Variants in A1CF observed in about 807,000 individuals in gnomAD.
The protein encoded by A1CF is APOBEC1 complementation factor.
In A1CF, 48 loss-of-function variants were observed where a neutral mutation model predicts 68.9. The observed-to-expected ratio is 0.70, with a 90% CI of 0.55 to 0.89. A1CF has a LOEUF of 0.89. Among genes scored for constraint, A1CF ranks in the 40% least tolerant of loss-of-function variants. A1CF has a pLI of 0.00. For missense variants in A1CF, 653 were observed against 718.9 expected (o/e 0.91, Z 1.05); for synonymous variants, 272 against 260.4 (o/e 1.04, Z -0.43).
chr10:50,836,878 T>C (rs1285187440), intron 5 of A1CF, among the ~76,000 whole-genome samples: 1 of 152,030 alleles, frequency 6.6e-6, no homozygotes, highest in Admixed American at 6.6e-5. Flanking sequence ...CTCATCCTTT[T>C]TCATGGCTGC....
intron 3 of A1CF, among the ~76,000 whole-genome samples, chr10:50,854,478 A>T (rs1186664860): frequency 6.6e-6 from 1 of 152,058 alleles, no homozygotes; most frequent in Admixed American, 6.6e-5. Context: ...CTAAAAAATT[A>T]TACATTTCAC....
At chr10:50,867,891 T>C (rs1212322377) in intron 1 of A1CF, among the ~76,000 whole-genome samples, 1 of 152,224 alleles carries the variant, frequency 6.6e-6, no homozygotes, top group African/African-American at 2.4e-5. Flanking sequence ...GTTAATAGTA[T>C]GTTTACTATC....
At chr10:50,809,569 A>G (rs1288555167) in intron 12 of A1CF, among the ~76,000 whole-genome samples, 1 of 152,084 alleles carries the variant, frequency 6.6e-6, no homozygotes, top group Non-Finnish European at 1.5e-5. Context: ...TCTCCAATAA[A>G]CATCATATAT....
At chr10:50,849,590 T>G (rs1840141351) in intron 3 of A1CF, among the ~76,000 whole-genome samples, 1 of 152,184 alleles carries the variant, frequency 6.6e-6, no homozygotes, top group South Asian at 2.1e-4. Flanking sequence ...TATAGCCTAG[T>G]GTTTCTCAAA....
rs1179500656 is a variant in A1CF, at chr10:50,802,264, A to G, written c.*4465T>C. On this transcript the variant is annotated 3_prime_UTR_variant, in exon 13 of 13. Coordinates refer to ENST00000373997, the MANE Select transcript of A1CF (RefSeq NM_014576.4). ...TCTAGTAAAATTCAGAGCATTTTCA[A>G]GATATTATTTGGGCAAACTAAAATT... is the stretch of plus-strand genomic sequence containing the variant. 1 of 152,184 alleles carries G rather than the reference A, an allele frequency of 6.6e-6. No individual in the cohort carries two copies. The highest frequency in any genetic ancestry group is 1.5e-5 in the Non-Finnish European group (1 of 68,024). 9.4% of individuals were successfully genotyped at this position (152,184 alleles called of 1,614,324 possible).
intron 3 of A1CF, among the ~76,000 whole-genome samples, chr10:50,856,580 A>T (rs1453985684): frequency 6.6e-6 from 1 of 152,130 alleles, no homozygotes; most frequent in Non-Finnish European, 1.5e-5. Context: ...AAGTCACATT[A>T]TAACAACTCT....
intron 8 of A1CF, 113 bp from the exon 9 acceptor site, chr10:50,816,392 A>T: frequency 8.4e-7 from 1 of 1,196,132 alleles, no homozygotes; most frequent in Non-Finnish European, 1.2e-6. Context: ...CTGTAGGTTT[A>T]TTGATTGTAT....
At chr10:50,838,433 G>A (rs947305962) in intron 5 of A1CF, among the ~76,000 whole-genome samples, 2 of 152,090 alleles carry the variant, frequency 1.3e-5, no homozygotes, top group Non-Finnish European at 2.9e-5. Flanking sequence ...CAGTATTAAT[G>A]TATTTAGAAA....
chr10:50,822,655 G>T (rs189407226), intron 7 of A1CF: 1 of 152,200 alleles, frequency 6.6e-6, no homozygotes. Context: ...AAATTATCTG[G>T]CCAGGCTAAG....
chr10:50,880,718 A>C (rs377142253), intron 1 of A1CF, among the ~76,000 whole-genome samples: 1 of 152,238 alleles, frequency 6.6e-6, no homozygotes, highest in Non-Finnish European at 1.5e-5. Context: ...AGCACTAAGC[A>C]GAATCCCAGT....
chr10:50,867,556 G>A (rs540905957), intron 1 of A1CF, among the ~76,000 whole-genome samples: 51 of 152,172 alleles, frequency 3.4e-4, no homozygotes, highest in African/African-American at 1.2e-3. Context: ...AAAAGGTGGT[G>A]GATGATGAGG....
At chr10:50,809,617 A>G (rs960970072) in intron 12 of A1CF, among the ~76,000 whole-genome samples, 1 of 152,104 alleles carries the variant, frequency 6.6e-6, no homozygotes, top group Non-Finnish European at 1.5e-5. Flanking sequence ...AAAAGTAAAA[A>G]CCAAAACAAA....
At chr10:50,811,588 A>G (rs906175575) in intron 10 of A1CF, among the ~76,000 whole-genome samples, 10 of 152,352 alleles carry the variant, frequency 6.6e-5, no homozygotes, top group Non-Finnish European at 1.5e-4. Context: ...GCCTAAGAAT[A>G]TATTTTTATT....
Position 50,804,167 on chromosome 10 carries a change from T to G in A1CF, c.*2562A>C, listed in dbSNP as rs1474134399. 1 of 152,194 alleles carries G rather than the reference T, an allele frequency of 6.6e-6. No individual in the cohort carries two copies. Among genetic ancestry groups the G allele is most frequent in the African/African-American group, 2.4e-5 (1 of 41,460 alleles). 9.4% of individuals were successfully genotyped at this position (152,194 alleles called of 1,614,324 possible). ...AACCAAAACCACTTCTACCTACTTA[T>G]ACAAAACTGGCTCTAAAGAGGTAAA... On this transcript the variant is annotated 3_prime_UTR_variant, in exon 13 of 13. Coordinates refer to ENST00000373997, the MANE Select transcript of A1CF (RefSeq NM_014576.4).
chr10:50,876,539 G>C (rs1159026026), intron 1 of A1CF, among the ~76,000 whole-genome samples: 1 of 152,218 alleles, frequency 6.6e-6, no homozygotes, highest in East Asian at 1.9e-4. Flanking sequence ...CATAAAAGCT[G>C]AGTAAGAGGG....
At chr10:50,882,964 T>C (rs888194919) in intron 1 of A1CF, among the ~76,000 whole-genome samples, 1 of 152,082 alleles carries the variant, frequency 6.6e-6, no homozygotes, top group African/African-American at 2.4e-5. Context: ...GGTGTTGGGG[T>C]TTTATAACTA....
intron 3 of A1CF, among the ~76,000 whole-genome samples, chr10:50,849,786 CTTTTTTTTTTTT>C (rs71949925): frequency 3.6e-5 from 3 of 83,654 alleles, no homozygotes; most frequent in African/African-American, 4.7e-5. Context: ...TTAATGAATT[CTTTTTTTTTTTT>C]TTTTTTTTTT....
chr10:50,877,066 A>G (rs1841548385), intron 1 of A1CF, among the ~76,000 whole-genome samples: 1 of 152,226 alleles, frequency 6.6e-6, no homozygotes, highest in Non-Finnish European at 1.5e-5. Context: ...GACTTCTAGA[A>G]GATTCCTGGG....
At chr10:50,885,098 T>C (rs1485375505) in intron 1 of A1CF, among the ~76,000 whole-genome samples, 1 of 152,242 alleles carries the variant, frequency 6.6e-6, no homozygotes, top group East Asian at 1.9e-4. Flanking sequence ...GACTTTCTTT[T>C]TTATGGTGGT....
Sources: gnomAD v4.1 joint callset for allele counts (sites outside exome capture counted in the v4.1 genomes callset) on GRCh38, gnomAD v4.1.1 for gene constraint, MANE v1.5 for transcripts, NCBI Gene and HGNC (gene_info 2026-07-23, HGNC 2026-07-21) for gene names.